The following STRBP variants were observed in gnomAD, a reference collection of about 807,000 sequenced individuals.
The protein encoded by STRBP is spermatid perinuclear RNA binding protein.
Under a neutral mutation model 80.1 loss-of-function variants are expected in STRBP, and 13 were observed. The ratio of observed to expected loss-of-function variants is 0.16; its 90% CI spans 0.11 to 0.26. The LOEUF (loss-of-function observed/expected upper bound fraction) is 0.26. STRBP is among the 10% of genes least tolerant of loss of function. The pLI, the probability that STRBP is intolerant of heterozygous loss-of-function variation, is 1.00. For missense variants in STRBP, 485 were observed against 815.2 expected, an observed-to-expected ratio of 0.59 and a Z score of 4.93; for synonymous variants, 284 against 291.2, an observed-to-expected ratio of 0.98 and a Z score of 0.25.
At chr9:123,185,374 C>T (rs1399612446) in intron 2 of STRBP, among the ~76,000 whole-genome samples, 1 of 152,094 alleles carries the variant, frequency 6.6e-6, no homozygotes, top group Non-Finnish European at 1.5e-5. Flanking sequence ...CGAGACCAGA[C>T]TGGGCAACAG....
At chr9:123,204,222 C>A (rs1303404235) in intron 2 of STRBP, among the ~76,000 whole-genome samples, 1 of 152,146 alleles carries the variant, frequency 6.6e-6, no homozygotes, top group East Asian at 1.9e-4. Context: ...CAGTAAAGAA[C>A]AGATAAATTT....
chr9:123,141,689 C>A (rs182897893), intron 13 of STRBP, among the ~76,000 whole-genome samples: 2 of 152,182 alleles, frequency 1.3e-5, no homozygotes, highest in Admixed American at 1.3e-4. Context: ...TCTCTCCACC[C>A]TTTTCTCACA....
intron 11 of STRBP, among the ~76,000 whole-genome samples, chr9:123,153,047 G>A (rs1170601234): frequency 1.3e-5 from 2 of 152,130 alleles, no homozygotes; most frequent in African/African-American, 4.8e-5. Context: ...TCCATAAAGA[G>A]AATTGCTTCT....
At chr9:123,258,295 G>C (rs1359828857) in intron 1 of STRBP, among the ~76,000 whole-genome samples, 1 of 152,110 alleles carries the variant, frequency 6.6e-6, no homozygotes, top group Non-Finnish European at 1.5e-5. Context: ...TAAGTGAAAT[G>C]GTTTAAAGTG....
At chr9:123,231,917 G>GTTTC (rs2040409119) in intron 2 of STRBP, among the ~76,000 whole-genome samples, 1 of 152,126 alleles carries the variant, frequency 6.6e-6, no homozygotes, top group African/African-American at 2.4e-5. Context: ...TCTCCTTACA[G>GTTTC]TTACCTAAAC....
intron 2 of STRBP, among the ~76,000 whole-genome samples, chr9:123,185,783 G>A (rs1269749710): frequency 6.6e-6 from 1 of 152,066 alleles, no homozygotes; most frequent in African/African-American, 2.4e-5. Flanking sequence ...AAGTACACAA[G>A]CTTTCTTTAT....
intron 2 of STRBP, among the ~76,000 whole-genome samples, chr9:123,220,241 A>G (rs1416417636): frequency 6.6e-6 from 1 of 152,264 alleles, no homozygotes; most frequent in Non-Finnish European, 1.5e-5. Context: ...ACAACCTAAG[A>G]AATGTGTCAC....
In STRBP at chr9:123,122,270, G is replaced by A. The variant is rs1468974509; in HGVS notation, c.*3327C>T. On this transcript the variant is annotated 3_prime_UTR_variant, in exon 19 of 19. Transcript: ENST00000348403. ...ACAAGTGATATGGCTACGAAGGTCCGAGGAGAACGAGAATAAAGTGAGATA... is the reference window on the plus strand; with the variant it reads ...ACAAGTGATATGGCTACGAAGGTCCAAGGAGAACGAGAATAAAGTGAGATA... The A allele has an allele frequency of 3.3e-5, 41 of 1,239,582 alleles. 1 individual carries two copies. The highest frequency in any genetic ancestry group is 3.6e-5 in the Non-Finnish European group (34 of 944,248). The allele number at this position is 1,239,582 out of a possible 1,614,324, so 76.8% of individuals were successfully genotyped here.
chr9:123,113,646 G>C (rs767755566), intron 3 of STRBP: 1 of 167,236 alleles, frequency 6.0e-6, no homozygotes, highest in African/African-American at 2.4e-5. Context: ...TCACACGGAG[G>C]AGATGCTCAG....
Position 123,115,407 on chromosome 9 carries a change from A to AG in STRBP, c.*84+521dup. On this transcript the variant is annotated intron_variant and NMD_transcript_variant, in intron 3 of 3. Transcript: ENST00000471564. This position sits in a 1 kb window ranked among gnomAD's most constrained non-coding sequence, Gnocchi z 5.0. ...CTGGCAAGGAGGATCCCTAGCAGGG[A>AG]GGGGGAGACCCACTGAAGCCTTTCT... 1 of 470,856 alleles carries AG rather than the reference A, an allele frequency of 2.1e-6. No homozygotes were observed. The highest frequency in any genetic ancestry group is 1.5e-5 in the South Asian group (1 of 64,546). The allele number at this position is 470,856 out of a possible 1,614,324, so 29.2% of individuals were successfully genotyped here.
At chr9:123,183,665 C>T (rs1031850378) in intron 3 of STRBP, among the ~76,000 whole-genome samples, 6 of 152,120 alleles carry the variant, frequency 3.9e-5, no homozygotes, top group African/African-American at 1.4e-4. Flanking sequence ...CCCTACTATA[C>T]TCAGCACTTG....
chr9:123,196,648 T>C (rs1324459584), intron 2 of STRBP, among the ~76,000 whole-genome samples: 4 of 152,184 alleles, frequency 2.6e-5, no homozygotes, highest in African/African-American at 4.8e-5. Context: ...TCAACATCAC[T>C]GATCATCAGA....
rs1169595808 is a variant in STRBP at position 123,123,188 on chromosome 9, A to G, written c.*2409T>C. Reference sequence around the variant, plus strand: ...ATGGTGCGACGCTCAGAGGCTGGCAATAGGGGCTGTCAATGAAAAAACCAC... The same window carrying G: ...ATGGTGCGACGCTCAGAGGCTGGCAGTAGGGGCTGTCAATGAAAAAACCAC... On this transcript the variant is annotated 3_prime_UTR_variant, in exon 19 of 19. Coordinates refer to ENST00000348403, the MANE Select transcript of STRBP (RefSeq NM_018387.5). The G allele has an allele frequency of 3.0e-6, 3 of 985,418 alleles. No homozygotes were observed. The highest frequency in any genetic ancestry group is 3.6e-6 in the Non-Finnish European group (3 of 829,920). 61.0% of individuals were successfully genotyped at this position (985,418 alleles called of 1,614,324 possible).
intron 11 of STRBP, among the ~76,000 whole-genome samples, chr9:123,156,903 T>C (rs2037311256): frequency 1.3e-5 from 2 of 151,946 alleles, no homozygotes; most frequent in South Asian, 4.2e-4. Flanking sequence ...CTTTCTAGTT[T>C]AAAAGAAGAG....
chr9:123,116,887 A>T (rs142155256), downstream of STRBP, among the ~76,000 whole-genome samples: 1 of 152,340 alleles, frequency 6.6e-6, no homozygotes, highest in East Asian at 1.9e-4. Flanking sequence ...AGTTGTGGTG[A>T]AATTCAAAAC....
chr9:123,178,999 A>C lies in STRBP; in HGVS notation c.224+8T>G, dbSNP rs368352762. 6.2e-7 allele frequency: 1 copy of C among 1,613,782 alleles called. No individual in the cohort carries two copies. The highest frequency in any genetic ancestry group is 1.3e-5 in the African/African-American group (1 of 74,916). On this transcript the variant is annotated splice_region_variant and intron_variant, in intron 4 of 18. Coordinates refer to ENST00000348403, the MANE Select transcript of STRBP (RefSeq NM_018387.5). The stretch of plus-strand genomic sequence containing the variant: ...AGCACAGCGTCCCAGAGGTCAGTCC[A>C]CACTCACTTGGAATAGTTTTCTCCG...
intron 2 of STRBP, among the ~76,000 whole-genome samples, chr9:123,206,385 G>A (rs927437437): frequency 1.3e-5 from 2 of 152,152 alleles, no homozygotes; most frequent in East Asian, 3.9e-4. Flanking sequence ...CATTATGTGA[G>A]TTTCATTTTG....
chr9:123,217,231 T>C (rs1435714844), intron 2 of STRBP, among the ~76,000 whole-genome samples: 1 of 152,160 alleles, frequency 6.6e-6, no homozygotes, highest in Non-Finnish European at 1.5e-5. Context: ...CTGTTAGAAG[T>C]TGGGCTTTTT....
chr9:123,158,163 C>T (rs761501741), intron 10 of STRBP, 40 bp from the exon 11 acceptor site: 2 of 1,555,162 alleles, frequency 1.3e-6, no homozygotes, highest in Admixed American at 3.4e-5. Context: ...ATTTCAATAG[C>T]CATTCATAAA....
Sources: gnomAD v4.1 joint callset for allele counts (sites outside exome capture counted in the v4.1 genomes callset) on GRCh38, gnomAD v4.1.1 for gene constraint, Gnocchi (gnomAD v3.1) non-coding constraint, MANE v1.5 for transcripts, NCBI Gene and HGNC (gene_info 2026-07-23, HGNC 2026-07-21) for gene names.